The following TASP1 variants were observed in gnomAD, a reference collection of about 807,000 sequenced individuals.
The protein encoded by TASP1 is taspase 1, also known as threonine aspartase 1.
Under a neutral mutation model 56.6 loss-of-function variants are expected in TASP1, and 16 were observed. That is an observed-to-expected ratio of 0.28 (90% CI 0.19 to 0.43). The LOEUF (loss-of-function observed/expected upper bound fraction) is 0.43. TASP1 is among the 20% of genes least tolerant of loss of function. TASP1 has a pLI of 1.00. For missense variants in TASP1, 393 were observed against 511.6 expected (o/e 0.77, Z 2.24); for synonymous variants, 179 against 184.2 (o/e 0.97, Z 0.23).
the TASP1 span, among the ~76,000 whole-genome samples, chr20:13,306,879 G>T: frequency 6.6e-6 from 1 of 152,136 alleles, no homozygotes; most frequent in Non-Finnish European, 1.5e-5. Context: ...GGCTACAGAG[G>T]ACAGAATCTC....
At chr20:13,327,354 T>A in the TASP1 span, among the ~76,000 whole-genome samples, 1 of 152,082 alleles carries the variant, frequency 6.6e-6, no homozygotes, top group Non-Finnish European at 1.5e-5. Flanking sequence ...ATAGGAAGAA[T>A]CAATATCATG....
chr20:13,105,530 C>T, the TASP1 span, among the ~76,000 whole-genome samples: 1 of 152,104 alleles, frequency 6.6e-6, no homozygotes, highest in African/African-American at 2.4e-5. Flanking sequence ...CTTTAGGACT[C>T]GTGGTGTTCA....
At chr20:13,334,046 AC>A in the TASP1 span, among the ~76,000 whole-genome samples, 4 of 152,182 alleles carry the variant, frequency 2.6e-5, no homozygotes, top group African/African-American at 9.7e-5. Context: ...CATTATATAA[AC>A]CTAAACAAGT....
chr20:13,278,210 G>A, the TASP1 span, among the ~76,000 whole-genome samples: 2 of 152,138 alleles, frequency 1.3e-5, no homozygotes, highest in East Asian at 3.9e-4. Context: ...TACGTTGATT[G>A]TCTCTTGGAA....
chr20:13,433,520 C>CAAAAAAAAAAAAAAAAAACAAAAAAA (rs2042886650), intron 12 of TASP1, among the ~76,000 whole-genome samples: 1 of 89,214 alleles, frequency 1.1e-5, no homozygotes, highest in African/African-American at 4.8e-5. Flanking sequence ...GACAGTATGG[C>CAAAAAAAAAAAAAAAAAACAAAAAAA]AAAAAAAAAA....
At chr20:13,144,767 G>A in the TASP1 span, among the ~76,000 whole-genome samples, 215 of 66,442 alleles carry the variant, frequency 3.2e-3, no homozygotes, top group East Asian at 0.04. Context: ...GTGTGTGTGT[G>A]TATATATATA....
intron 10 of TASP1, among the ~76,000 whole-genome samples, chr20:13,524,759 C>A (rs529511884): frequency 6.6e-6 from 1 of 152,168 alleles, no homozygotes; most frequent in South Asian, 2.1e-4. Context: ...ATCCTCCAGG[C>A]ATTACATGCC....
At chr20:13,318,197 A>G in the TASP1 span, among the ~76,000 whole-genome samples, 1 of 148,898 alleles carries the variant, frequency 6.7e-6, no homozygotes, top group Non-Finnish European at 1.5e-5. Context: ...CACTTCACCA[A>G]AGAAGATATA....
At chr20:13,301,390 T>C in the TASP1 span, among the ~76,000 whole-genome samples, 1 of 152,186 alleles carries the variant, frequency 6.6e-6, no homozygotes, top group Non-Finnish European at 1.5e-5. Flanking sequence ...GGTTTCACCA[T>C]GTTGGCCAGG....
intron 11 of TASP1, among the ~76,000 whole-genome samples, chr20:13,442,460 T>C (rs1434721885): frequency 3.9e-5 from 6 of 151,976 alleles, no homozygotes; most frequent in Admixed American, 2.0e-4. Flanking sequence ...AAGGCCAAGA[T>C]AATGAAACCC....
chr20:13,324,978 T>C, the TASP1 span, among the ~76,000 whole-genome samples: 1 of 152,252 alleles, frequency 6.6e-6, no homozygotes, highest in African/African-American at 2.4e-5. Context: ...AATATTTGTT[T>C]CTTTTCGGCT....
chr20:13,429,358 A>T (rs2042723139), intron 12 of TASP1, among the ~76,000 whole-genome samples: 1 of 152,208 alleles, frequency 6.6e-6, no homozygotes, highest in Non-Finnish European at 1.5e-5. Flanking sequence ...GGAAAAAAAT[A>T]ACTCTTTGGA....
At chr20:13,361,385 C>T in the TASP1 span, among the ~76,000 whole-genome samples, 1 of 152,108 alleles carries the variant, frequency 6.6e-6, no homozygotes, top group Non-Finnish European at 1.5e-5. Context: ...ATCAGCCGAG[C>T]AGTTTTTCAG....
the TASP1 span, chr20:13,221,628 G>A: frequency 1.9e-6 from 1 of 525,336 alleles, no homozygotes; most frequent in Non-Finnish European, 2.6e-6. Flanking sequence ...CCCAGCGCCA[G>A]CCCCGCGGGC....
the TASP1 span, among the ~76,000 whole-genome samples, chr20:13,207,435 G>C: frequency 6.6e-6 from 1 of 152,192 alleles, no homozygotes; most frequent in Non-Finnish European, 1.5e-5. Flanking sequence ...GACATAGACA[G>C]ACACAGTCAC....
At chr20:13,250,934 C>G in the TASP1 span, among the ~76,000 whole-genome samples, 1 of 152,164 alleles carries the variant, frequency 6.6e-6, no homozygotes, top group East Asian at 1.9e-4. Flanking sequence ...TCTGCTTCTC[C>G]CTACTGAAAA....
chr20:13,603,156 G>A (rs1049463804), intron 4 of TASP1, among the ~76,000 whole-genome samples: 4 of 151,964 alleles, frequency 2.6e-5, no homozygotes, highest in East Asian at 1.9e-4. Context: ...GCTTGAACCC[G>A]GAGGGTGGAG....
chr20:13,453,895 C>CTGCA (rs1467045917), intron 11 of TASP1, among the ~76,000 whole-genome samples: 46 of 152,110 alleles, frequency 3.0e-4, no homozygotes, highest in Admixed American at 2.7e-3. Flanking sequence ...GAACCCACCA[C>CTGCA]TGCATGGTCT....
the TASP1 span, among the ~76,000 whole-genome samples, chr20:13,307,518 T>C: frequency 6.6e-6 from 1 of 152,202 alleles, no homozygotes; most frequent in Non-Finnish European, 1.5e-5. Context: ...AAACTGAATT[T>C]CTTTGTATGT....
Sources: gnomAD v4.1 joint callset for allele counts (sites outside exome capture counted in the v4.1 genomes callset) on GRCh38, gnomAD v4.1.1 for gene constraint, MANE v1.5 for transcripts, NCBI Gene and HGNC (gene_info 2026-07-23, HGNC 2026-07-21) for gene names.